AUTS2: variants seen among roughly 807,000 people sequenced by gnomAD.
AUTS2 encodes the protein autism susceptibility gene 2 protein.
Under a neutral mutation model 112.4 loss-of-function variants are expected in AUTS2, and 17 were observed. That is an observed-to-expected ratio of 0.15 (90% confidence interval 0.10 to 0.23). AUTS2 has a LOEUF of 0.23. Among genes scored for constraint, AUTS2 ranks in the 10% least tolerant of loss-of-function variants. AUTS2 has a pLI of 1.00. For synonymous variants in AUTS2, 751 were observed against 702.7 expected (o/e 1.07, Z -1.09); for missense variants, 1,510 against 1,701.6 (o/e 0.89, Z 1.98).
intron 6 of AUTS2, among the ~76,000 whole-genome samples, chr7:70,760,181 G>A (rs566359775): frequency 1.3e-3 from 192 of 152,004 alleles, no homozygotes; most frequent in Middle Eastern, 6.8e-3. Flanking sequence ...AATTTTTTGT[G>A]TTTTTAGTAG....
chr7:69,800,126 C>T (rs1790018851), intron 1 of AUTS2, among the ~76,000 whole-genome samples: 1 of 152,118 alleles, frequency 6.6e-6, no homozygotes, highest in Non-Finnish European at 1.5e-5. Flanking sequence ...CAGTGTAAGT[C>T]AGATAAATAT....
intron 4 of AUTS2, among the ~76,000 whole-genome samples, chr7:70,375,851 T>C (rs1242590159): frequency 6.6e-6 from 1 of 152,078 alleles, no homozygotes; most frequent in African/African-American, 2.4e-5. Flanking sequence ...AAGCTTCTAC[T>C]TGCAACTCAT....
chr7:70,207,991 A>G (rs1356746569), intron 4 of AUTS2, among the ~76,000 whole-genome samples: 1 of 149,258 alleles, frequency 6.7e-6, no homozygotes, highest in East Asian at 2.0e-4. Context: ...AGCCTGGGCA[A>G]CAAGAGTGAA....
rs576139237 is a variant in AUTS2, at chr7:70,695,392, G to A, written c.691-3177G>A. ...CTTGAGCTGGGGGCCCTAGCGTGGC[G>A]CTGCCCGCTCCTGGGGTCGCGCTTC... On this transcript the variant is annotated intron_variant, in intron 5 of 18. Transcript: ENST00000342771. Among the ~76,000 whole-genome samples, 4 of 152,338 alleles carry A rather than the reference G, an allele frequency of 2.6e-5. No individual in the cohort carries two copies. The South Asian group carries it at 6.2e-4, about 24-fold the overall frequency.
intron 5 of AUTS2, among the ~76,000 whole-genome samples, chr7:70,497,022 C>T (rs1461440847): frequency 9.2e-5 from 11 of 120,044 alleles, no homozygotes; most frequent in African/African-American, 3.5e-4. Flanking sequence ...CAGACACACA[C>T]ACACACCCCA....
At chr7:70,317,855 A>G (rs1790069471) in intron 4 of AUTS2, among the ~76,000 whole-genome samples, 1 of 152,174 alleles carries the variant, frequency 6.6e-6, no homozygotes, top group Non-Finnish European at 1.5e-5. Flanking sequence ...GATGCTTAGT[A>G]CAATCTTTTT....
intron 4 of AUTS2, among the ~76,000 whole-genome samples, chr7:70,354,368 A>G (rs965004065): frequency 8.5e-5 from 13 of 152,142 alleles, no homozygotes; most frequent in Non-Finnish European, 1.6e-4. Context: ...GGAGATCACA[A>G]CTCTTTCTTT....
At chr7:70,605,318 G>A (rs1414119619) in intron 5 of AUTS2, among the ~76,000 whole-genome samples, 1 of 152,060 alleles carries the variant, frequency 6.6e-6, no homozygotes, top group Non-Finnish European at 1.5e-5. Flanking sequence ...TAAATGAGAC[G>A]AATTGAAATA....
intron 1 of AUTS2, among the ~76,000 whole-genome samples, chr7:69,889,751 T>A (rs1263027370): frequency 6.6e-6 from 1 of 152,164 alleles, no homozygotes; most frequent in Non-Finnish European, 1.5e-5. Context: ...TGGATTAGAT[T>A]TAAGTGGGAG....
At chr7:70,092,632 C>G (rs374659246) in intron 2 of AUTS2, among the ~76,000 whole-genome samples, 1 of 152,140 alleles carries the variant, frequency 6.6e-6, no homozygotes, top group African/African-American at 2.4e-5. Context: ...ATTGGAATAA[C>G]GACTCTGTGG....
intron 4 of AUTS2, among the ~76,000 whole-genome samples, chr7:70,279,324 G>A (rs1788093731): frequency 6.6e-6 from 1 of 152,172 alleles, no homozygotes; most frequent in South Asian, 2.1e-4. Flanking sequence ...AGTAATGGGG[G>A]CCAAATGATT....
At chr7:70,152,533 T>C (rs1385282656) in intron 4 of AUTS2, among the ~76,000 whole-genome samples, 1 of 151,804 alleles carries the variant, frequency 6.6e-6, no homozygotes, top group Non-Finnish European at 1.5e-5. Flanking sequence ...AATATAACTT[T>C]CAAAAGACAT....
intron 2 of AUTS2, among the ~76,000 whole-genome samples, chr7:69,914,356 GACACACACACAC>G (rs66527808): frequency 1.9e-4 from 26 of 136,098 alleles, no homozygotes; most frequent in Admixed American, 3.7e-4. Flanking sequence ...CACACACACA[GACACACACACAC>G]ACACACACAC....
At chr7:70,647,007 G>A (rs1161656486) in intron 5 of AUTS2, among the ~76,000 whole-genome samples, 2 of 152,194 alleles carry the variant, frequency 1.3e-5, no homozygotes, top group Admixed American at 6.5e-5. Context: ...TCTGGGCTGA[G>A]CTGCAAGGTC....
chr7:70,572,038 G>C (rs1801964319), intron 5 of AUTS2, among the ~76,000 whole-genome samples: 1 of 152,184 alleles, frequency 6.6e-6, no homozygotes, highest in Non-Finnish European at 1.5e-5. Flanking sequence ...TTATATATTT[G>C]TCAAATTTAG....
At chr7:70,526,546 C>G (rs1799846965) in intron 5 of AUTS2, among the ~76,000 whole-genome samples, 1 of 152,170 alleles carries the variant, frequency 6.6e-6, no homozygotes, top group South Asian at 2.1e-4. Flanking sequence ...GTGGCACATG[C>G]CTGTAATCCC....
chr7:70,314,762 C>T (rs367971739), intron 4 of AUTS2, among the ~76,000 whole-genome samples: 13 of 152,182 alleles, frequency 8.5e-5, no homozygotes, highest in African/African-American at 3.1e-4. Flanking sequence ...GTTTATGTCA[C>T]TCCCTCTGGA....
intron 1 of AUTS2, among the ~76,000 whole-genome samples, chr7:69,731,479 T>C (rs1336890794): frequency 6.6e-6 from 1 of 152,192 alleles, no homozygotes; most frequent in African/African-American, 2.4e-5. Context: ...ATGTGAAATA[T>C]TGAGCATGGT....
chr7:70,623,757 G>T (rs890030509), intron 5 of AUTS2, among the ~76,000 whole-genome samples: 5 of 152,198 alleles, frequency 3.3e-5, no homozygotes, highest in African/African-American at 1.2e-4. Context: ...CCTTCACTCT[G>T]CCAAGAATGC....
Sources: allele counts gnomAD v4.1 joint callset (sites outside exome capture counted in the v4.1 genomes callset), GRCh38; gene constraint gnomAD v4.1.1; transcripts MANE v1.5; gene names NCBI Gene and HGNC (gene_info 2026-07-23, HGNC 2026-07-21).